SIGLEC5: variants seen among roughly 807,000 people sequenced by gnomAD.
The protein encoded by SIGLEC5 is sialic acid-binding Ig-like lectin 5.
A neutral mutation model predicts 45.9 loss-of-function variants in SIGLEC5; 34 were observed. The ratio of observed to expected loss-of-function variants is 0.74; its 90% CI spans 0.56 to 0.99. SIGLEC5 has a LOEUF of 0.99. Among genes scored for constraint, SIGLEC5 ranks in the 50% least tolerant of loss-of-function variants. The pLI is 0.00. For missense variants in SIGLEC5, 508 were observed against 629.6 expected, an observed-to-expected ratio of 0.81 and a Z score of 2.07; for synonymous variants, 203 against 258.6, an observed-to-expected ratio of 0.79 and a Z score of 2.06.
chr19:51,623,250 T>G (rs1367516991), intron 8 of SIGLEC5, among the ~76,000 whole-genome samples: 1 of 152,068 alleles, frequency 6.6e-6, no homozygotes, highest in Non-Finnish European at 1.5e-5. Flanking sequence ...TTAGGATGGG[T>G]GAAATTTTTT....
intron 8 of SIGLEC5, 107 bp downstream of exon 8, chr19:51,625,925 G>A: frequency 1.2e-6 from 1 of 801,840 alleles, no homozygotes; most frequent in Non-Finnish European, 2.2e-6. Context: ...CAGGAGAGAA[G>A]AGAACTCCCA....
intron 8 of SIGLEC5, among the ~76,000 whole-genome samples, chr19:51,624,697 G>A (rs567840189): frequency 3.9e-4 from 59 of 152,168 alleles, no homozygotes; most frequent in African/African-American, 1.3e-3. Context: ...GGCCGCACGC[G>A]GTGGCTCACA....
In SIGLEC5 at chr19:51,627,579, C is replaced by A. The variant is rs967903743; in HGVS notation, c.1165G>T (p.Gly389Trp). The change falls in exon 6 of 9, where the codon GGG (glycine) becomes TGG (tryptophan). Residue 389 changes from glycine to tryptophan, a missense_variant. This residue lies in a region of SIGLEC5 where 431 missense variants were observed against 428.8 expected (regional missense o/e 1.01). Transcript: ENST00000683636. The part of the protein sequence containing the change: ...GSFKVNSSSA[G>W]PWANSSLILH... ...ATCAGGGAGCTGTTGGCCCAGGGCC[C>A]AGCTGAGCTGGAGTTGACCTTGAAT... The A allele has an allele frequency of 2.5e-6, 4 of 1,614,080 alleles. No individual in the cohort carries two copies. Among genetic ancestry groups the A allele is most frequent in the Non-Finnish European group, 2.5e-6 (3 of 1,180,034 alleles).
chr19:51,612,164 C>T lies in SIGLEC5; in HGVS notation c.*67G>A. Reference sequence around the variant, plus strand: ...GCTCTTCGTGCTTCAGCAAGTGGTCCCTGACTTGTCCTTTCCCCCAGACAG... The same window carrying T: ...GCTCTTCGTGCTTCAGCAAGTGGTCTCTGACTTGTCCTTTCCCCCAGACAG... On this transcript the variant is annotated 3_prime_UTR_variant, in exon 9 of 9. Transcript: ENST00000683636. 7.4e-7 allele frequency: 1 copy of T among 1,353,454 alleles called. No homozygotes were observed. The highest frequency in any genetic ancestry group is 1.0e-6 in the Non-Finnish European group (1 of 993,408). The allele number at this position is 1,353,454 out of a possible 1,614,324, so 83.8% of individuals were successfully genotyped here. A position where few individuals can be genotyped will look rare whatever the true frequency, so the allele number is the denominator to read the frequency against.
At chr19:51,625,905 A>AG in intron 8 of SIGLEC5, 127 bp downstream of exon 8, 2 of 703,186 alleles carry the variant, frequency 2.8e-6, no homozygotes, top group Non-Finnish European at 5.1e-6. Context: ...TGGGATATGA[A>AG]GGGGGAGAAC....
chr19:51,619,511 T>C (rs1267023627), intron 8 of SIGLEC5, among the ~76,000 whole-genome samples: 1 of 152,208 alleles, frequency 6.6e-6, no homozygotes, highest in Admixed American at 6.5e-5. Context: ...AAAAAGCATC[T>C]ACTTAGAATT....
At chr19:51,612,901 C>T (rs1982914398) in intron 8 of SIGLEC5, among the ~76,000 whole-genome samples, 1 of 152,150 alleles carries the variant, frequency 6.6e-6, no homozygotes, top group Admixed American at 6.5e-5. Flanking sequence ...CTCTCTTGCC[C>T]CCTACCCACT....
intron 8 of SIGLEC5, among the ~76,000 whole-genome samples, chr19:51,625,405 T>C (rs1983439942): frequency 1.3e-5 from 2 of 152,224 alleles, no homozygotes; most frequent in Middle Eastern, 6.8e-3. Flanking sequence ...AGTAATAGTT[T>C]TGGGGCGATG....
chr19:51,615,601 C>T (rs1983024214), intron 8 of SIGLEC5, among the ~76,000 whole-genome samples: 1 of 152,214 alleles, frequency 6.6e-6, no homozygotes, highest in African/African-American at 2.4e-5. Context: ...TTTCTCCACT[C>T]CAAACTCCCA....
intron 8 of SIGLEC5, among the ~76,000 whole-genome samples, chr19:51,624,059 T>A (rs1175860503): frequency 6.6e-6 from 1 of 152,054 alleles, no homozygotes; most frequent in Non-Finnish European, 1.5e-5. Context: ...CTCAGGAAGC[T>A]GAGGCAGGAG....
chr19:51,622,840 A>G (rs1159451620), intron 8 of SIGLEC5, among the ~76,000 whole-genome samples: 1 of 152,220 alleles, frequency 6.6e-6, no homozygotes, highest in Non-Finnish European at 1.5e-5. Flanking sequence ...TTATTCTTAG[A>G]TCCCACAAAT....
chr19:51,625,358 AAAC>A (rs1383435220), intron 8 of SIGLEC5, among the ~76,000 whole-genome samples: 2 of 152,214 alleles, frequency 1.3e-5, no homozygotes, highest in African/African-American at 2.4e-5. Flanking sequence ...CAACAGGAAC[AAAC>A]AACAACAACA....
Position 51,627,814 on chromosome 19 carries a change from C to G in SIGLEC5, c.997+20G>C. On this transcript the variant is annotated intron_variant, in intron 5 of 8. Transcript: ENST00000683636. ...TCTTTAATACCATGCAGTTCCTGCT[C>G]CAGCTGCCCCCACACTCACAGTAAA... is the stretch of plus-strand genomic sequence containing the variant. 2 of 1,584,930 alleles carry G rather than the reference C, an allele frequency of 1.3e-6. No individual in the cohort carries two copies. Among genetic ancestry groups the G allele is most frequent in the Non-Finnish European group, 1.7e-6 (2 of 1,164,790 alleles).
rs1005403812 is a variant in SIGLEC5, at chr19:51,627,833, C to T, written c.997+1G>A. On this transcript the variant is annotated splice_donor_variant, in intron 5 of 8. Coordinates refer to ENST00000683636, the MANE Select transcript of SIGLEC5 (RefSeq NM_003830.4). LOFTEE classifies it high-confidence loss of function. ...CCTGCTCCAGCTGCCCCCACACTCACAGTAAACTGAGAGATTCAGAAAAAT... is the reference window on the plus strand; with the variant it reads ...CCTGCTCCAGCTGCCCCCACACTCATAGTAAACTGAGAGATTCAGAAAAAT... 1.3e-6 allele frequency: 2 copies of T among 1,598,942 alleles called. No homozygotes were observed. The highest frequency in any genetic ancestry group is 4.5e-5 in the East Asian group (2 of 44,802).
intron 8 of SIGLEC5, among the ~76,000 whole-genome samples, chr19:51,614,075 C>A (rs776344679): frequency 2.6e-5 from 4 of 152,198 alleles, no homozygotes; most frequent in Non-Finnish European, 5.9e-5. Flanking sequence ...CCTCTCCCAC[C>A]TTCACCCATA....
intron 3 of SIGLEC5, 43 bp from the exon 4 acceptor site, chr19:51,629,119 G>A (rs763874238): frequency 2.5e-6 from 4 of 1,605,956 alleles, no homozygotes; most frequent in South Asian, 1.1e-5. Flanking sequence ...AGTGAGGAGT[G>A]AGATGGGCAT....
rs749861376 is a variant in SIGLEC5 at position 51,629,443 on chromosome 19, C to T, written c.615G>A (p.Glu205=). 6 of 1,613,578 alleles carry T rather than the reference C, an allele frequency of 3.7e-6. No homozygotes were observed. The Admixed American group carries it at 1.0e-4, about 27-fold the overall frequency. The part of the protein sequence containing the change: ...SSELTLTPRP[E]DHGTNLTCQM... ...GACAGGTGAGGTTGGTGCCATGGTC[C>T]TCGGGCCTGGGGGTGAGGGTGAGCT... The change falls in exon 3 of 9, where the codon GAG becomes GAA. Residue 205 remains glutamate, a synonymous_variant. Coordinates refer to ENST00000683636, the MANE Select transcript of SIGLEC5 (RefSeq NM_003830.4).
chr19:51,613,315 T>G (rs763834444), intron 8 of SIGLEC5, among the ~76,000 whole-genome samples: 3 of 152,210 alleles, frequency 2.0e-5, no homozygotes, highest in Non-Finnish European at 4.4e-5. Flanking sequence ...AAGGCCGGGC[T>G]AGATTTTATG....
intron 4 of SIGLEC5, among the ~76,000 whole-genome samples, chr19:51,628,440 G>T (rs971749044): frequency 6.6e-6 from 1 of 152,186 alleles, no homozygotes; most frequent in African/African-American, 2.4e-5. Context: ...GAACCACAGA[G>T]CTGGGCTGAC....
Sources: allele counts gnomAD v4.1 joint callset (sites outside exome capture counted in the v4.1 genomes callset), GRCh38; gene constraint gnomAD v4.1.1; regional missense constraint gnomAD v4.1.1; transcripts MANE v1.5; gene names NCBI Gene and HGNC (gene_info 2026-07-23, HGNC 2026-07-21).